The following PIP5K1B variants were observed in gnomAD, a reference collection of about 807,000 sequenced individuals.
PIP5K1B encodes the protein phosphatidylinositol-4-phosphate 5-kinase type 1 beta.
Under a neutral mutation model 67.0 loss-of-function variants are expected in PIP5K1B, and 42 were observed. The ratio of observed to expected loss-of-function variants is 0.63; its 90% CI spans 0.49 to 0.81. The LOEUF (loss-of-function observed/expected upper bound fraction) is 0.81, where lower values mean the gene tolerates loss of function less well. PIP5K1B is among the 30% of genes least tolerant of loss of function. The probability of loss-of-function intolerance (pLI) is 0.00; values close to 1 mark genes in which losing one functional copy is unlikely to be tolerated. For synonymous variants in PIP5K1B, 214 were observed against 231.4 expected (o/e 0.92, Z 0.68); for missense variants, 459 against 646.3 (o/e 0.71, Z 3.14).
At chr9:68,909,991 C>T (rs1203266882) in intron 8 of PIP5K1B, among the ~76,000 whole-genome samples, 2 of 152,134 alleles carry the variant, frequency 1.3e-5, no homozygotes, top group African/African-American at 4.8e-5. Context: ...CCATAAGAAC[C>T]CCTATGACAA....
intron 2 of PIP5K1B, among the ~76,000 whole-genome samples, chr9:68,776,735 A>G (rs974908148): frequency 2.7e-4 from 41 of 152,228 alleles, no homozygotes; most frequent in African/African-American, 8.0e-4. Context: ...GTGGCTTCAC[A>G]GTGAGAATGA....
intron 1 of PIP5K1B, among the ~76,000 whole-genome samples, chr9:68,712,288 A>G (rs1827431303): frequency 6.6e-6 from 1 of 152,186 alleles, no homozygotes; most frequent in South Asian, 2.1e-4. Context: ...CTCTCTCACC[A>G]GAAGCAGATG....
At chr9:68,894,214 A>T in intron 7 of PIP5K1B, 125 bp from the exon 8 acceptor site, 1 of 674,446 alleles carries the variant, frequency 1.5e-6, no homozygotes, top group Non-Finnish European at 2.5e-6. Flanking sequence ...TTAGTAATGA[A>T]CATTAATAAA....
intron 4 of PIP5K1B, among the ~76,000 whole-genome samples, chr9:68,833,439 A>G (rs771154289): frequency 1.3e-5 from 2 of 152,242 alleles, no homozygotes; most frequent in Non-Finnish European, 2.9e-5. Context: ...AGCAGGGAAG[A>G]GTGGCCGAGT....
chr9:68,786,270 C>T (rs1831609188), intron 2 of PIP5K1B: 1 of 152,114 alleles, frequency 6.6e-6, no homozygotes, highest in South Asian at 2.1e-4. Flanking sequence ...GTTAATATTT[C>T]TTGAGCATTC....
intron 11 of PIP5K1B, among the ~76,000 whole-genome samples, chr9:68,922,603 G>A (rs1826465595): frequency 6.6e-6 from 1 of 152,076 alleles, no homozygotes; most frequent in Non-Finnish European, 1.5e-5. Flanking sequence ...TAGAAAAGTA[G>A]CTCCTTCATC....
intron 13 of PIP5K1B, among the ~76,000 whole-genome samples, chr9:68,936,394 G>A (rs988645982): frequency 7.3e-5 from 11 of 151,156 alleles, no homozygotes; most frequent in African/African-American, 2.2e-4. Context: ...TAATTAATCA[G>A]GAAGGAGTAC....
At chr9:68,924,282 A>G (rs1826565820) in intron 12 of PIP5K1B, among the ~76,000 whole-genome samples, 1 of 151,224 alleles carries the variant, frequency 6.6e-6, no homozygotes, top group Non-Finnish European at 1.5e-5. Context: ...TGCACCTGTA[A>G]TCCTAACTAC....
intron 1 of PIP5K1B, among the ~76,000 whole-genome samples, chr9:68,714,754 G>C (rs1030028413): frequency 3.3e-5 from 5 of 152,156 alleles, no homozygotes; most frequent in African/African-American, 1.2e-4. Context: ...TCAGAGGCAG[G>C]TTCATAACTA....
intron 2 of PIP5K1B, chr9:68,789,527 A>G: frequency 1.9e-6 from 1 of 517,324 alleles, no homozygotes; most frequent in South Asian, 1.4e-5. Context: ...GGGTAGGGAT[A>G]ACTGGAGGCA....
chr9:68,727,433 A>G (rs1423585643), intron 1 of PIP5K1B, among the ~76,000 whole-genome samples: 1 of 152,218 alleles, frequency 6.6e-6, no homozygotes, highest in African/African-American at 2.4e-5. Flanking sequence ...TAAAAACAAT[A>G]TGAAGTAATT....
At chr9:68,982,079 G>A (rs1248706296) in intron 14 of PIP5K1B, among the ~76,000 whole-genome samples, 1 of 152,202 alleles carries the variant, frequency 6.6e-6, no homozygotes, top group Non-Finnish European at 1.5e-5. Context: ...TGAATCGAGA[G>A]AATTGTGGCA....
intron 14 of PIP5K1B, among the ~76,000 whole-genome samples, chr9:68,988,447 T>TC (rs1830192561): frequency 1.6e-5 from 1 of 62,880 alleles, no homozygotes; most frequent in Admixed American, 1.6e-4. Context: ...TTTTGGGGTT[T>TC]TTTTTTTTTT....
intron 2 of PIP5K1B, among the ~76,000 whole-genome samples, chr9:68,760,849 G>A (rs1037561598): frequency 6.6e-6 from 1 of 152,044 alleles, no homozygotes; most frequent in African/African-American, 2.4e-5. Context: ...GGATGGAAAG[G>A]TATTTTTGGC....
intron 1 of PIP5K1B, among the ~76,000 whole-genome samples, chr9:68,710,992 A>G (rs4534183): frequency 0.59 from 89,551 of 152,014 alleles, 27,055 homozygotes; most frequent in African/African-American, 0.71. Context: ...TCAGGCAAGG[A>G]TTGGAATTGT....
chr9:68,916,810 T>G (rs1826118739), intron 8 of PIP5K1B, among the ~76,000 whole-genome samples: 1 of 151,838 alleles, frequency 6.6e-6, no homozygotes, highest in African/African-American at 2.4e-5. Context: ...AGGCAGAGGT[T>G]GCAGTGAGCT....
At chr9:68,743,050 C>T (rs1484792154) in intron 2 of PIP5K1B, among the ~76,000 whole-genome samples, 5 of 152,044 alleles carry the variant, frequency 3.3e-5, no homozygotes, top group Non-Finnish European at 5.9e-5. Context: ...TTTGAATGAA[C>T]GCACATATGT....
chr9:68,890,420 G>C (rs1355361175), intron 7 of PIP5K1B, among the ~76,000 whole-genome samples: 4 of 152,114 alleles, frequency 2.6e-5, no homozygotes, highest in Non-Finnish European at 5.9e-5. Flanking sequence ...GATTTCAGAA[G>C]CCCAAGTTCT....
intron 1 of PIP5K1B, among the ~76,000 whole-genome samples, chr9:68,718,013 G>A (rs1299064479): frequency 2.0e-5 from 3 of 152,152 alleles, no homozygotes; most frequent in Non-Finnish European, 4.4e-5. Flanking sequence ...AAGCATGAGT[G>A]CAATCTGCCA....
Sources: gnomAD v4.1 joint callset for allele counts (sites outside exome capture counted in the v4.1 genomes callset) on GRCh38, gnomAD v4.1.1 for gene constraint, MANE v1.5 for transcripts, NCBI Gene and HGNC (gene_info 2026-07-23, HGNC 2026-07-21) for gene names.